The following GPC5 variants were observed in gnomAD, a reference collection of about 807,000 sequenced individuals.
GPC5 encodes the protein glypican-5.
In GPC5, 47 loss-of-function variants were observed where a neutral mutation model predicts 53.9. The ratio of observed to expected loss-of-function variants is 0.87; its 90% CI spans 0.69 to 1.11. The LOEUF is 1.11. GPC5 is among the 50% of genes most tolerant of loss of function. The pLI is 0.00. For missense variants in GPC5, 748 were observed against 713.1 expected (o/e 1.05, Z -0.56); for synonymous variants, 286 against 263.3 (o/e 1.09, Z -0.84).
At chr13:92,677,506 C>T (rs1886985148) in intron 7 of GPC5, among the ~76,000 whole-genome samples, 1 of 152,168 alleles carries the variant, frequency 6.6e-6, no homozygotes, top group Admixed American at 6.5e-5. Context: ...TGTGTTTGTT[C>T]CATGGACTTA....
intron 7 of GPC5, among the ~76,000 whole-genome samples, chr13:92,664,186 AG>A (rs1886491483): frequency 6.6e-6 from 1 of 151,994 alleles, no homozygotes. Flanking sequence ...ATGTAAGGCT[AG>A]TCTGGAGAAT....
chr13:92,479,594 T>G (rs2139431362), intron 7 of GPC5, among the ~76,000 whole-genome samples: 1 of 152,274 alleles, frequency 6.6e-6, no homozygotes, highest in East Asian at 1.9e-4. Flanking sequence ...TAGTTCCTCC[T>G]CCTCCCTGTC....
rs944636981 is a variant in GPC5 at position 92,697,489 on chromosome 13, G to A, written c.1562-168793G>A. On this transcript the variant is annotated intron_variant, in intron 7 of 7. Transcript: ENST00000377067. Reference sequence around the variant, plus strand: ...TTAATGGGATTTCACTCATGACTTGGCTATTTGTCTGCTCTTAGTGTATAG... The same window carrying A: ...TTAATGGGATTTCACTCATGACTTGACTATTTGTCTGCTCTTAGTGTATAG... Among the ~76,000 whole-genome samples the A allele has an allele frequency of 2.6e-5, 4 of 151,546 alleles. No individual in the cohort carries two copies. The South Asian group carries it at 8.3e-4, about 32-fold the overall frequency.
At chr13:92,491,564 T>G (rs1011578565) in intron 7 of GPC5, among the ~76,000 whole-genome samples, 1 of 152,120 alleles carries the variant, frequency 6.6e-6, no homozygotes, top group Non-Finnish European at 1.5e-5. Context: ...GGTCAGGAGA[T>G]TTTTGTGAAT....
At chr13:91,550,784 C>T (rs1210652812) in intron 2 of GPC5, among the ~76,000 whole-genome samples, 3 of 152,076 alleles carry the variant, frequency 2.0e-5, no homozygotes, top group Non-Finnish European at 4.4e-5. Context: ...ATAATTGACT[C>T]ATGGGGGCAG....
intron 2 of GPC5, among the ~76,000 whole-genome samples, chr13:91,571,910 A>ACACACATATACGTGTGTG (rs1566516136): frequency 1.5e-4 from 11 of 75,496 alleles, no homozygotes; most frequent in Non-Finnish European, 2.4e-4. Context: ...CATATTGTAT[A>ACACACATATACGTGTGTG]TATACACATA....
At chr13:92,385,778 TA>T (rs1874678032) in intron 7 of GPC5, among the ~76,000 whole-genome samples, 1 of 26,872 alleles carries the variant, frequency 3.7e-5, no homozygotes, top group Admixed American at 3.2e-4. Flanking sequence ...TATATATACA[TA>T]TATGTATATA....
chr13:91,822,780 A>G (rs1409371200), intron 5 of GPC5, among the ~76,000 whole-genome samples: 2 of 152,112 alleles, frequency 1.3e-5, no homozygotes, highest in East Asian at 1.9e-4. Context: ...AAGGAGGATG[A>G]ATATGATAAT....
chr13:92,451,661 T>C (rs925283573), intron 7 of GPC5, among the ~76,000 whole-genome samples: 3 of 152,210 alleles, frequency 2.0e-5, no homozygotes, highest in Admixed American at 1.3e-4. Flanking sequence ...TTATAGTCAA[T>C]AATAAAAGTC....
At chr13:92,510,933 A>G (rs1314604278) in intron 7 of GPC5, among the ~76,000 whole-genome samples, 1 of 152,236 alleles carries the variant, frequency 6.6e-6, no homozygotes, top group Non-Finnish European at 1.5e-5. Flanking sequence ...GAAGTGAGGG[A>G]GGATAAGATC....
intron 2 of GPC5, among the ~76,000 whole-genome samples, chr13:91,603,882 C>A (rs990590850): frequency 1.3e-5 from 2 of 151,018 alleles, no homozygotes; most frequent in Non-Finnish European, 1.5e-5. Context: ...TTTTCCTTCT[C>A]TCTAATCCAT....
intron 7 of GPC5, among the ~76,000 whole-genome samples, chr13:92,145,285 G>T (rs945792067): frequency 7.9e-5 from 12 of 151,998 alleles, no homozygotes; most frequent in African/African-American, 2.7e-4. Flanking sequence ...GATACTAATT[G>T]TATATTGATA....
At chr13:91,737,502 T>TA (rs2036840678) in intron 4 of GPC5, among the ~76,000 whole-genome samples, 2 of 151,408 alleles carry the variant, frequency 1.3e-5, no homozygotes, top group Non-Finnish European at 2.9e-5. Flanking sequence ...GTTTCTGTAA[T>TA]AGCTGAAAAA....
chr13:92,089,606 T>TTA (rs1238454957), intron 6 of GPC5, among the ~76,000 whole-genome samples: 1 of 152,210 alleles, frequency 6.6e-6, no homozygotes, highest in African/African-American at 2.4e-5. Flanking sequence ...TTCAACCAAA[T>TTA]CTTACAGTAA....
chr13:92,699,250 A>G (rs991797096), intron 7 of GPC5, among the ~76,000 whole-genome samples: 3 of 151,938 alleles, frequency 2.0e-5, no homozygotes, highest in Admixed American at 1.3e-4. Context: ...GCTAGTTTTT[A>G]TTTCTGTTGG....
chr13:91,571,831 ACATATACTTG>A, intron 2 of GPC5, among the ~76,000 whole-genome samples: 4 of 101,576 alleles, frequency 3.9e-5, no homozygotes, highest in Non-Finnish European at 5.6e-5. Context: ...GTATATATAC[ACATATACTTG>A]TGTGTATATA....
chr13:92,839,593 G>A (rs573427059), intron 7 of GPC5, among the ~76,000 whole-genome samples: 5 of 152,120 alleles, frequency 3.3e-5, no homozygotes, highest in Non-Finnish European at 7.4e-5. Context: ...TAAGTATATT[G>A]GCCTCCAGCT....
chr13:91,645,105 T>C (rs1211561247), intron 2 of GPC5, among the ~76,000 whole-genome samples: 9 of 152,204 alleles, frequency 5.9e-5, no homozygotes, highest in African/African-American at 2.2e-4. Flanking sequence ...GACCTTGCCC[T>C]GGGATAGACA....
intron 7 of GPC5, among the ~76,000 whole-genome samples, chr13:92,590,951 T>G (rs1482695428): frequency 6.6e-6 from 1 of 152,206 alleles, no homozygotes; most frequent in South Asian, 2.1e-4. Context: ...TCTGTGTGTC[T>G]GTTCTGATTC....
Sources: allele counts gnomAD v4.1 joint callset (sites outside exome capture counted in the v4.1 genomes callset), GRCh38; gene constraint gnomAD v4.1.1; transcripts MANE v1.5; gene names NCBI Gene and HGNC (gene_info 2026-07-23, HGNC 2026-07-21).